Variants in ERCC6L2 observed in about 807,000 individuals in gnomAD.
The protein encoded by ERCC6L2 is ERCC excision repair 6 like 2.
In ERCC6L2, 77 loss-of-function variants were observed where a neutral mutation model predicts 132.0. That is an observed-to-expected ratio of 0.58 (90% CI 0.49 to 0.71). The LOEUF (loss-of-function observed/expected upper bound fraction) is 0.71, where lower values mean the gene tolerates loss of function less well. ERCC6L2 is among the 30% of genes least tolerant of loss of function. The pLI, the probability that ERCC6L2 is intolerant of heterozygous loss-of-function variation, is 0.00. For missense variants in ERCC6L2, 1,542 were observed against 1,837.6 expected, an observed-to-expected ratio of 0.84 and a Z score of 2.94; for synonymous variants, 583 against 632.4, an observed-to-expected ratio of 0.92 and a Z score of 1.17.
intron 16 of ERCC6L2, among the ~76,000 whole-genome samples, chr9:95,977,034 AATT>A (rs1832700382): frequency 6.6e-6 from 1 of 152,026 alleles, no homozygotes; most frequent in South Asian, 2.1e-4. Flanking sequence ...AGGTTTGAGG[AATT>A]ATTGCATAAA....
chr9:95,950,063 A>T (rs576194627), intron 12 of ERCC6L2, among the ~76,000 whole-genome samples: 2 of 152,142 alleles, frequency 1.3e-5, no homozygotes, highest in African/African-American at 2.4e-5. Flanking sequence ...ATGAAATGAA[A>T]GTACACTAGA....
At chr9:95,942,329 A>AT (rs757034160) in intron 12 of ERCC6L2, among the ~76,000 whole-genome samples, 3 of 152,230 alleles carry the variant, frequency 2.0e-5, no homozygotes, top group South Asian at 2.1e-4. Context: ...ATTATGAAAC[A>AT]TTTTAATAAA....
chr9:95,985,975 T>C (rs909995061), intron 17 of ERCC6L2, among the ~76,000 whole-genome samples: 1 of 152,172 alleles, frequency 6.6e-6, no homozygotes, highest in African/African-American at 2.4e-5. Context: ...CCAAACATGC[T>C]TAGGCCTTCC....
Position 95,907,857 on chromosome 9 carries a change from C to CACAAACACACACACACACACACACACACA in ERCC6L2, c.788+586_788+587insACAAACACACACACACACACACACACACA. Among the ~76,000 whole-genome samples, 181 of 133,806 alleles carry CACAAACACACACACACACACACACACACA rather than the reference C, an allele frequency of 1.4e-3. 1 individual carries two copies. The highest frequency in any genetic ancestry group is 4.1e-3 in the African/African-American group (146 of 35,746). The allele number at this position is 133,806 out of a possible 152,430, so 87.8% of individuals were successfully genotyped here. A position where few individuals can be genotyped will look rare whatever the true frequency, so the allele number is the denominator to read the frequency against. ...CACACACACACACACACACACACAC[C>CACAAACACACACACACACACACACACACA]CCCACACCCACACACCCACTGTAGC... On this transcript the variant is annotated intron_variant, in intron 4 of 18. Transcript: ENST00000653738.
intron 17 of ERCC6L2, among the ~76,000 whole-genome samples, chr9:95,985,546 A>G (rs1833063534): frequency 6.6e-6 from 1 of 152,202 alleles, no homozygotes; most frequent in Admixed American, 6.5e-5. Context: ...GGTATAGGAA[A>G]TCCATTCAAG....
At chr9:95,942,672 G>GA (rs1189277971) in intron 12 of ERCC6L2, among the ~76,000 whole-genome samples, 1 of 152,058 alleles carries the variant, frequency 6.6e-6, no homozygotes, top group Non-Finnish European at 1.5e-5. Context: ...AGAAATTGAG[G>GA]AAAAATCCCA....
chr9:95,922,179 T>G, intron 7 of ERCC6L2, 126 bp from the exon 8 acceptor site: 1 of 531,900 alleles, frequency 1.9e-6, no homozygotes, highest in Non-Finnish European at 3.3e-6. Context: ...TGACCATCAT[T>G]TTCTTGGAAT....
intron 13 of ERCC6L2, among the ~76,000 whole-genome samples, chr9:95,964,809 A>T (rs1383909646): frequency 6.6e-6 from 1 of 152,158 alleles, no homozygotes; most frequent in Admixed American, 6.5e-5. Context: ...GTTAGCCTAC[A>T]GATGGAAGCA....
At chr9:96,026,470 G>C (rs1588066245) in intron 19 of ERCC6L2, among the ~76,000 whole-genome samples, 1 of 152,052 alleles carries the variant, frequency 6.6e-6, no homozygotes, top group South Asian at 2.1e-4. Flanking sequence ...CGGAGTCTCT[G>C]GGTCAGCTGG....
At chr9:95,953,758 T>C (rs1403797178) in intron 12 of ERCC6L2, among the ~76,000 whole-genome samples, 10 of 151,702 alleles carry the variant, frequency 6.6e-5, no homozygotes, top group Admixed American at 6.6e-4. Flanking sequence ...AAGATAAAAA[T>C]AAGAACATAA....
chr9:96,011,866 T>C (rs1834036379), intron 18 of ERCC6L2, among the ~76,000 whole-genome samples: 1 of 152,238 alleles, frequency 6.6e-6, no homozygotes, highest in African/African-American at 2.4e-5. Context: ...GAATACAATA[T>C]AGATTTTCAA....
rs1834166220 is a variant in ERCC6L2 at position 96,015,470 on chromosome 9, G to C, written c.*2267G>C. ...CCCAAAGTGCTGGGATTACAGGTGT[G>C]AGCCACCATGCCCAGCCAATAAATG... On this transcript the variant is annotated 3_prime_UTR_variant, in exon 19 of 19. Transcript: ENST00000653738. 6.6e-6 allele frequency among the ~76,000 whole-genome samples: 1 copy of C among 151,236 alleles called. No individual in the cohort carries two copies. The highest frequency in any genetic ancestry group is 1.5e-5 in the Non-Finnish European group (1 of 67,734).
intron 12 of ERCC6L2, among the ~76,000 whole-genome samples, chr9:95,942,103 T>C (rs1314140943): frequency 6.6e-6 from 1 of 152,124 alleles, no homozygotes; most frequent in Non-Finnish European, 1.5e-5. Context: ...AAGAATAATT[T>C]TACACATTTT....
intron 1 of ERCC6L2, chr9:95,876,922 T>G (rs1405774398): frequency 6.6e-6 from 1 of 152,182 alleles, no homozygotes; most frequent in Non-Finnish European, 1.5e-5. Context: ...TAGATGAAGC[T>G]GCCGAGTGGA....
chr9:95,916,077 G>C (rs1386317284), intron 5 of ERCC6L2, 150 bp from the exon 6 acceptor site: 2 of 822,528 alleles, frequency 2.4e-6, no homozygotes, highest in African/African-American at 1.7e-5. Context: ...GTTAGAACCT[G>C]AAACTGTCGT....
chr9:96,028,179 GA>G lies in ERCC6L2; in HGVS notation c.*1504-10685del, dbSNP rs377524118. ...TGTTTTCAGAGTTTCCTATTTTCCA[GA>G]AAAAAAAAAAAGTCCCTATCTGTGC... On this transcript the variant is annotated intron_variant and NMD_transcript_variant, in intron 19 of 20. Transcript: ENST00000670016. Among the ~76,000 whole-genome samples, 62 of 141,340 alleles carry G rather than the reference GA, an allele frequency of 4.4e-4. 1 individual carries two copies. The highest frequency in any genetic ancestry group is 1.6e-3 in the South Asian group (7 of 4,496). The allele number at this position is 141,340 out of a possible 152,430, so 92.7% of individuals were successfully genotyped here. A position where few individuals can be genotyped will look rare whatever the true frequency, so the allele number is the denominator to read the frequency against.
intron 13 of ERCC6L2, among the ~76,000 whole-genome samples, chr9:95,961,315 C>T (rs1831889985): frequency 6.6e-6 from 1 of 152,040 alleles, no homozygotes. Flanking sequence ...CACCATGTGA[C>T]AATGGAGGCA....
intron 2 of ERCC6L2, among the ~76,000 whole-genome samples, chr9:95,892,512 C>T (rs689696): frequency 0.26 from 39,681 of 150,730 alleles, 5,820 homozygotes; most frequent in East Asian, 0.4. Context: ...CAACCTCTGC[C>T]TCCTGGTTCA....
At chr9:95,949,801 A>T (rs1831245130) in intron 12 of ERCC6L2, among the ~76,000 whole-genome samples, 1 of 152,140 alleles carries the variant, frequency 6.6e-6, no homozygotes. Context: ...TGAGGTCAGG[A>T]GTTCAAGACC....
Sources: gnomAD v4.1 joint callset for allele counts (sites outside exome capture counted in the v4.1 genomes callset) on GRCh38, gnomAD v4.1.1 for gene constraint, MANE v1.5 for transcripts, NCBI Gene and HGNC (gene_info 2026-07-23, HGNC 2026-07-21) for gene names.